DYRK1A: variants seen among roughly 807,000 people sequenced by gnomAD.
DYRK1A encodes dual specificity tyrosine-phosphorylation-regulated kinase 1A.
Under a neutral mutation model 79.7 loss-of-function variants are expected in DYRK1A, and 9 were observed. The observed-to-expected ratio is 0.11, with a 90% CI of 0.07 to 0.20. DYRK1A has a LOEUF of 0.20. Among genes scored for constraint, DYRK1A ranks in the 10% least tolerant of loss-of-function variants. The pLI is 1.00. For missense variants in DYRK1A, 622 were observed against 956.0 expected (o/e 0.65, Z 4.61); for synonymous variants, 349 against 329.7 (o/e 1.06, Z -0.63).
chr21:37,427,599 T>C (rs184164672), intron 2 of DYRK1A, among the ~76,000 whole-genome samples: 8 of 152,346 alleles, frequency 5.3e-5, no homozygotes, highest in African/African-American at 1.7e-4. Context: ...TATCGTGTTT[T>C]TTGTTTGTTT....
intron 9 of DYRK1A, among the ~76,000 whole-genome samples, chr21:37,498,795 G>A (rs1464888997): frequency 6.6e-6 from 1 of 152,146 alleles, no homozygotes; most frequent in Non-Finnish European, 1.5e-5. Context: ...ATGTATGAGG[G>A]TTCCAGTTGC....
intron 3 of DYRK1A, 69 bp downstream of exon 3, chr21:37,472,949 AAGT>A: frequency 8.2e-7 from 1 of 1,218,108 alleles, no homozygotes; most frequent in Non-Finnish European, 1.1e-6. Flanking sequence ...TTGGAATACT[AAGT>A]AGGCAAAATG....
At chr21:37,433,044 A>AAAATATATATATATATATATAT (rs372461775) in intron 2 of DYRK1A, among the ~76,000 whole-genome samples, 1 of 140,482 alleles carries the variant, frequency 7.1e-6, no homozygotes, top group African/African-American at 2.7e-5. Context: ...AGGAATTCTA[A>AAAATATATATATATATATATAT]ATATATATAT....
chr21:37,425,841 A>G (rs1359199374), intron 2 of DYRK1A: 1 of 152,244 alleles, frequency 6.6e-6, no homozygotes, highest in South Asian at 2.1e-4. Context: ...ATTTGTGCAG[A>G]AGGAGGCATG....
Position 37,490,221 on chromosome 21 carries a change from T to A in DYRK1A, c.684T>A (p.Val228=). 1.2e-6 allele frequency: 2 copies of A among 1,613,678 alleles called. No homozygotes were observed. The highest frequency in any genetic ancestry group is 1.7e-6 in the Non-Finnish European group (2 of 1,179,698). ...TGTTTCGAAACCATCTCTGTTTAGT[T>A]TTTGAAATGCTGTCCTACAACCTCT... ...HFMFRNHLCL[V]FEMLSYNLYD... The change falls in exon 7 of 12, where the codon GTT becomes GTA. Residue 228 remains valine, a synonymous_variant. Transcript: ENST00000647188.
At chr21:37,441,697 T>C (rs1006304317) in intron 2 of DYRK1A, among the ~76,000 whole-genome samples, 1 of 152,148 alleles carries the variant, frequency 6.6e-6, no homozygotes, top group Non-Finnish European at 1.5e-5. Context: ...TTACTGACTT[T>C]AAAATAGATT....
intron 4 of DYRK1A, among the ~76,000 whole-genome samples, chr21:37,479,619 G>GTTTTTGTTTT (rs2052550822): frequency 4.1e-5 from 3 of 73,924 alleles, no homozygotes; most frequent in African/African-American, 1.0e-4. Flanking sequence ...TTTGTTTTTT[G>GTTTTTGTTTT]TTTTTTTTTT....
intron 1 of DYRK1A, among the ~76,000 whole-genome samples, chr21:37,376,444 C>G (rs7277796): frequency 0.94 from 143,562 of 152,230 alleles, 67,755 homozygotes; most frequent in East Asian, 0.99. Context: ...TGGAAGCGGA[C>G]GTTGCAGTGG....
Position 37,472,696 on chromosome 21 carries a change from C to T in DYRK1A, c.23C>T (p.Ser8Leu). The part of the protein sequence containing the change: MHTGGET[S>L]ACKPSSVRLA... ...TATCTTCTTGTAGGAGGAGAGACTT[C>T]AGCATGCAAACCTTCATCTGTTCGG... Residue 8 changes from serine (S) to leucine (L), a missense_variant, in exon 3 of 12, where the codon TCA becomes TTA. Ser to Leu is a moderately radical substitution (Grantham distance 145). Around this residue, in one of 5 missense-constraint regions of DYRK1A, gnomAD observed 91 missense variants for 113.8 expected, o/e 0.80. Coordinates refer to ENST00000647188, the MANE Select transcript of DYRK1A (RefSeq NM_001347721.2). 3 of 1,589,396 alleles carry T rather than the reference C, an allele frequency of 1.9e-6. No homozygotes were observed. The highest frequency in any genetic ancestry group is 2.6e-6 in the Non-Finnish European group (3 of 1,164,476).
intron 10 of DYRK1A, 60 bp downstream of exon 10, chr21:37,505,649 G>A: frequency 1.3e-6 from 2 of 1,487,954 alleles, no homozygotes; most frequent in Non-Finnish European, 1.8e-6. Flanking sequence ...TTATGAAGTG[G>A]GATTATTTTA....
chr21:37,436,961 T>G (rs1427452474), intron 2 of DYRK1A, among the ~76,000 whole-genome samples: 1 of 152,140 alleles, frequency 6.6e-6, no homozygotes, highest in African/African-American at 2.4e-5. Flanking sequence ...ATTTTTGGAT[T>G]GGGACTAGGA....
At chr21:37,508,399 T>C (rs1175555011) in intron 11 of DYRK1A, among the ~76,000 whole-genome samples, 1 of 152,234 alleles carries the variant, frequency 6.6e-6, no homozygotes, top group Non-Finnish European at 1.5e-5. Flanking sequence ...GCGAGTCTCC[T>C]GCCTCAGCCT....
chr21:37,474,102 CTT>C (rs1426650598), intron 3 of DYRK1A, among the ~76,000 whole-genome samples: 1 of 152,178 alleles, frequency 6.6e-6, no homozygotes, highest in African/African-American at 2.4e-5. Flanking sequence ...CCATTTGTGA[CTT>C]TTCCGTGTGT....
intron 8 of DYRK1A, among the ~76,000 whole-genome samples, chr21:37,494,567 T>TG (rs1420846679): frequency 6.6e-6 from 1 of 152,110 alleles, no homozygotes; most frequent in East Asian, 1.9e-4. Context: ...ACATTCTCGG[T>TG]GAAACCATAT....
chr21:37,490,029 C>T (rs1601265954), intron 6 of DYRK1A, 146 bp from the exon 7 acceptor site: 2 of 766,148 alleles, frequency 2.6e-6, no homozygotes, highest in East Asian at 2.7e-5. Flanking sequence ...TTGAAAACTG[C>T]TGTTATTACA....
intron 1 of DYRK1A, among the ~76,000 whole-genome samples, chr21:37,375,300 A>G (rs566057728): frequency 6.6e-6 from 1 of 152,206 alleles, no homozygotes; most frequent in Non-Finnish European, 1.5e-5. Context: ...TATCAGCACT[A>G]TTGTGGGCAA....
chr21:37,420,622 T>C (rs556146717), intron 2 of DYRK1A, among the ~76,000 whole-genome samples: 4 of 152,242 alleles, frequency 2.6e-5, no homozygotes, highest in African/African-American at 9.6e-5. Context: ...CTTAGGCTTT[T>C]CAAGAGCTAA....
At chr21:37,375,007 T>C (rs2049509101) in intron 1 of DYRK1A, 1 of 152,232 alleles carries the variant, frequency 6.6e-6, no homozygotes, top group Non-Finnish European at 1.5e-5. Flanking sequence ...GGCCTGGGAC[T>C]AGCATTGTTT....
At position 37,512,069 on chromosome 21, in the gene DYRK1A, C is replaced by G. The variant is rs769293997; in HGVS notation, c.1803C>G (p.His601Gln). Residue 601 changes from histidine to glutamine, a missense_variant, in exon 12 of 12, where the codon CAC becomes CAG. Physicochemically the swap from His to Gln is conservative, Grantham distance 24 (BLOSUM62 0). Around this residue, in one of 5 missense-constraint regions of DYRK1A, gnomAD observed 292 missense variants for 316.7 expected, o/e 0.92. Transcript: ENST00000647188. ...ATGGTAACAGTTCCCATCACCATCA[C>G]CACCACCACCACCATCACCACCACC... ...HHHGNSSHHHHHHHHHHHHHG... is the reference protein window; with the variant it reads ...HHHGNSSHHHQHHHHHHHHHG... The G allele has an allele frequency of 6.2e-7, 1 of 1,613,038 alleles. No individual in the cohort carries two copies. The highest frequency in any genetic ancestry group is 8.5e-7 in the Non-Finnish European group (1 of 1,179,342).
Sources: gnomAD v4.1 joint callset for allele counts (sites outside exome capture counted in the v4.1 genomes callset) on GRCh38, gnomAD v4.1.1 for gene constraint, gnomAD v4.1.1 regional missense constraint, MANE v1.5 for transcripts, NCBI Gene and HGNC (gene_info 2026-07-23, HGNC 2026-07-21) for gene names.